The following TAOK3 variants were observed in gnomAD, a reference collection of about 807,000 sequenced individuals.
The protein encoded by TAOK3 is serine/threonine-protein kinase TAO3.
A neutral mutation model predicts 120.4 loss-of-function variants in TAOK3; 40 were observed. That is an observed-to-expected ratio of 0.33 (90% CI 0.26 to 0.43). The LOEUF is 0.43. TAOK3 is among the 20% of genes least tolerant of loss of function. The pLI is 1.00. For synonymous variants in TAOK3, 355 were observed against 387.5 expected (o/e 0.92, Z 0.99); for missense variants, 821 against 1,112.1 (o/e 0.74, Z 3.72).
intron 1 of TAOK3, among the ~76,000 whole-genome samples, chr12:118,336,350 G>A (rs2044366562): frequency 6.6e-6 from 1 of 152,062 alleles, no homozygotes; most frequent in Admixed American, 6.5e-5. Context: ...ATTCAACGGA[G>A]AAAAAATTCC....
intron 9 of TAOK3, among the ~76,000 whole-genome samples, chr12:118,231,382 T>A (rs866684328): frequency 2.2e-3 from 328 of 151,680 alleles, no homozygotes; most frequent in African/African-American, 7.4e-3. Context: ...TTTTTTTTTT[T>A]AATTAATACT....
At chr12:118,362,908 A>C (rs1017915467) in intron 1 of TAOK3, among the ~76,000 whole-genome samples, 2 of 151,424 alleles carry the variant, frequency 1.3e-5, no homozygotes, top group African/African-American at 4.9e-5. Flanking sequence ...AATCCCAGCT[A>C]CTTGGGAGGC....
chr12:118,232,401 T>TGATTTGTGCTC (rs2039823163), intron 9 of TAOK3, among the ~76,000 whole-genome samples: 1 of 152,236 alleles, frequency 6.6e-6, no homozygotes, highest in Admixed American at 6.5e-5. Context: ...AAATACAGTT[T>TGATTTGTGCTC]TAGAGTCAGA....
intron 9 of TAOK3, 130 bp from the exon 10 acceptor site, chr12:118,214,240 C>T (rs1052881110): frequency 4.4e-6 from 3 of 678,538 alleles, no homozygotes; most frequent in Non-Finnish European, 4.8e-6. Context: ...ACATAATCCA[C>T]TTATTTTAAT....
intron 1 of TAOK3, among the ~76,000 whole-genome samples, chr12:118,282,131 G>A: frequency 6.6e-6 from 1 of 152,300 alleles, no homozygotes; most frequent in African/African-American, 2.4e-5. Flanking sequence ...CAAATAACCA[G>A]TATAAATGGG....
At chr12:118,338,485 T>C (rs1287828984) in intron 1 of TAOK3, among the ~76,000 whole-genome samples, 2 of 151,870 alleles carry the variant, frequency 1.3e-5, no homozygotes, top group Non-Finnish European at 2.9e-5. Context: ...ACAAAAGGTG[T>C]TTATGAAAAC....
intron 17 of TAOK3, among the ~76,000 whole-genome samples, chr12:118,167,001 C>A (rs539353540): frequency 6.6e-6 from 1 of 152,244 alleles, no homozygotes; most frequent in African/African-American, 2.4e-5. Flanking sequence ...CAGCGGATTT[C>A]ACTCATGCCA....
At chr12:118,233,258 G>C (rs1341558753) in intron 9 of TAOK3, among the ~76,000 whole-genome samples, 14 of 111,256 alleles carry the variant, frequency 1.3e-4, no homozygotes, top group East Asian at 2.8e-4. Context: ...GTTGTGGGGT[G>C]GGGGGAGGGG....
At position 118,326,357 on chromosome 12, in the gene TAOK3, T is replaced by C. The variant is rs2043934829; in HGVS notation, c.-194+46291A>G. Among the ~76,000 whole-genome samples, 3 of 152,158 alleles carry C rather than the reference T, an allele frequency of 2.0e-5. No individual in the cohort carries two copies. The South Asian group carries it at 6.2e-4, about 31-fold the overall frequency. ...TTTCTGGGTTCTACTGGTCTATGTG[T>C]CTATTTTTATGGCAATACCATGCTG... On this transcript the variant is annotated intron_variant, in intron 1 of 20. Coordinates refer to ENST00000392533, the MANE Select transcript of TAOK3 (RefSeq NM_016281.4).
At chr12:118,246,716 G>A (rs1446081952) in intron 3 of TAOK3, 10 of 1,590,486 alleles carry the variant, frequency 6.3e-6, no homozygotes, top group Non-Finnish European at 7.7e-6. Context: ...CTGTGCCTAA[G>A]AAGCTGCTCA....
Position 118,369,021 on chromosome 12 carries a change from A to AG in TAOK3, c.-194+3626_-194+3627insC, listed in dbSNP as rs1406245175. 4.6e-3 allele frequency among the ~76,000 whole-genome samples: 680 copies of AG among 146,864 alleles called. 2 individuals are homozygous for AG. Among genetic ancestry groups the AG allele is most frequent in the African/African-American group, 0.016 (628 of 38,920 alleles). The stretch of plus-strand genomic sequence containing the variant: ...TAAAAATAGAAAAAAAAAAAAAAAA[A>AG]AAGAAGAAGAAGAAGAAAAAGCCAG... On this transcript the variant is annotated intron_variant, in intron 1 of 20. Coordinates refer to ENST00000392533, the MANE Select transcript of TAOK3 (RefSeq NM_016281.4).
At chr12:118,198,792 G>C in intron 13 of TAOK3, 2 of 487,058 alleles carry the variant, frequency 4.1e-6, no homozygotes, top group South Asian at 2.1e-5. Flanking sequence ...TTTAGAGAAG[G>C]ACTTATCAAA....
chr12:118,289,393 C>T (rs987528725), intron 1 of TAOK3, among the ~76,000 whole-genome samples: 1 of 149,170 alleles, frequency 6.7e-6, no homozygotes, highest in Admixed American at 6.7e-5. Context: ...TCCAAAAATA[C>T]ATCCTGTTAA....
At chr12:118,299,547 T>C (rs1372645939) in intron 1 of TAOK3, among the ~76,000 whole-genome samples, 1 of 152,198 alleles carries the variant, frequency 6.6e-6, no homozygotes, top group African/African-American at 2.4e-5. Context: ...TCTCGCTTTG[T>C]CACCCAGGAT....
intron 3 of TAOK3, chr12:118,246,575 C>T (rs1593287014): frequency 1.3e-6 from 2 of 1,567,646 alleles, no homozygotes; most frequent in Non-Finnish European, 1.7e-6. Flanking sequence ...CCATTGTCCC[C>T]GTGCGCAGAG....
At chr12:118,326,360 A>G (rs1405709653) in intron 1 of TAOK3, among the ~76,000 whole-genome samples, 2 of 152,080 alleles carry the variant, frequency 1.3e-5, no homozygotes, top group Admixed American at 1.3e-4. Context: ...CTATGTGTCT[A>G]TTTTTATGGC....
intron 1 of TAOK3, among the ~76,000 whole-genome samples, chr12:118,321,237 T>TACACAC (rs556163515): frequency 6.6e-6 from 1 of 150,576 alleles, no homozygotes; most frequent in African/African-American, 2.4e-5. Flanking sequence ...TACATGCAAA[T>TACACAC]ACACACACAC....
chr12:118,245,285 C>T (rs1481705152), intron 3 of TAOK3, among the ~76,000 whole-genome samples: 2 of 152,102 alleles, frequency 1.3e-5, no homozygotes, highest in African/African-American at 4.8e-5. Flanking sequence ...ATCCGCCCGC[C>T]TCGGCCTCCC....
chr12:118,223,634 C>T (rs532322754), intron 9 of TAOK3, among the ~76,000 whole-genome samples: 52 of 144,372 alleles, frequency 3.6e-4, no homozygotes, highest in Middle Eastern at 3.5e-3. Flanking sequence ...GTGTGAGCCA[C>T]CGCACCCGGC....
Sources: gnomAD v4.1 joint callset for allele counts (sites outside exome capture counted in the v4.1 genomes callset) on GRCh38, gnomAD v4.1.1 for gene constraint, MANE v1.5 for transcripts, NCBI Gene and HGNC (gene_info 2026-07-23, HGNC 2026-07-21) for gene names.